Variants in NTM observed in about 807,000 individuals in gnomAD.
NTM encodes IgLON family member 2.
Under a neutral mutation model 42.1 loss-of-function variants are expected in NTM, and 13 were observed. The observed-to-expected ratio is 0.31, with a 90% CI of 0.20 to 0.49. The LOEUF (loss-of-function observed/expected upper bound fraction) is 0.49. Among genes scored for constraint, NTM ranks in the 20% least tolerant of loss-of-function variants. The pLI is 0.99. For missense variants in NTM, 373 were observed against 452.8 expected (o/e 0.82, Z 1.60); for synonymous variants, 187 against 179.2 (o/e 1.04, Z -0.35).
chr11:131,421,180 T>C (rs1947479168), intron 1 of NTM, among the ~76,000 whole-genome samples: 2 of 152,206 alleles, frequency 1.3e-5, no homozygotes, highest in African/African-American at 4.8e-5. Flanking sequence ...GATCAGTATG[T>C]CCTGTATCTG....
intron 5 of NTM, 42 bp from the exon 6 acceptor site, chr11:132,310,070 A>C: frequency 1.3e-6 from 2 of 1,532,224 alleles, no homozygotes; most frequent in Non-Finnish European, 1.7e-6. Context: ...AAAAAAAAAA[A>C]AAAAGGTGGG....
intron 1 of NTM, among the ~76,000 whole-genome samples, chr11:131,790,036 G>A (rs560283056): frequency 2.1e-5 from 3 of 143,142 alleles, no homozygotes; most frequent in Non-Finnish European, 4.5e-5. Context: ...AAAACAGAAA[G>A]TGTCACTGTT....
chr11:131,835,958 A>G lies in NTM; in HGVS notation c.83-75606A>G, dbSNP rs552596260. Among the ~76,000 whole-genome samples the G allele has an allele frequency of 2.0e-5, 3 of 152,304 alleles. No individual in the cohort carries two copies. In the South Asian group the frequency reaches 6.2e-4, roughly 32 times the overall value. ...GAGCAAAAGAAGTCAGACACTGAAG[A>G]ATTTATACCAAATGATTCTGTTTAT... On this transcript the variant is annotated intron_variant, in intron 1 of 8. Coordinates refer to ENST00000683400, the MANE Select transcript of NTM (RefSeq NM_001352005.2).
chr11:131,522,287 T>C (rs2049852170), intron 1 of NTM, among the ~76,000 whole-genome samples: 2 of 151,928 alleles, frequency 1.3e-5, no homozygotes, highest in South Asian at 2.1e-4. Context: ...AGTCAAGCCC[T>C]GTACGCTCTC....
intron 4 of NTM, among the ~76,000 whole-genome samples, chr11:132,278,378 G>C (rs373218588): frequency 6.6e-6 from 1 of 152,202 alleles, no homozygotes; most frequent in Non-Finnish European, 1.5e-5. Flanking sequence ...TTGGCAGCAG[G>C]GGGGCTGGAG....
intron 1 of NTM, among the ~76,000 whole-genome samples, chr11:131,375,497 C>T (rs1431768900): frequency 2.0e-5 from 3 of 152,218 alleles, no homozygotes; most frequent in East Asian, 1.9e-4. Flanking sequence ...AGAAGCATCA[C>T]CTCCCCATTG....
intron 2 of NTM, among the ~76,000 whole-genome samples, chr11:132,120,645 G>A (rs2064647178): frequency 6.6e-6 from 1 of 152,154 alleles, no homozygotes; most frequent in Admixed American, 6.5e-5. Flanking sequence ...TTCTTCATCT[G>A]GTAGTAGGCA....
chr11:131,691,465 G>A (rs973708577), intron 1 of NTM, among the ~76,000 whole-genome samples: 2 of 152,234 alleles, frequency 1.3e-5, no homozygotes, highest in Non-Finnish European at 2.9e-5. Flanking sequence ...GCGGGGCGTG[G>A]GCAGGCGTGG....
intron 1 of NTM, among the ~76,000 whole-genome samples, chr11:131,561,806 C>A (rs2056271810): frequency 6.6e-6 from 1 of 152,192 alleles, no homozygotes; most frequent in Non-Finnish European, 1.5e-5. Context: ...TTCTTCTTCA[C>A]CTCCTTTTGT....
At chr11:132,025,740 G>C (rs2075082473) in intron 2 of NTM, among the ~76,000 whole-genome samples, 1 of 152,154 alleles carries the variant, frequency 6.6e-6, no homozygotes, top group Admixed American at 6.5e-5. Flanking sequence ...GAGAAGCATT[G>C]CCCTAGAATG....
At chr11:131,847,214 G>C (rs1194364765) in intron 1 of NTM, among the ~76,000 whole-genome samples, 1 of 151,846 alleles carries the variant, frequency 6.6e-6, no homozygotes, top group East Asian at 1.9e-4. Flanking sequence ...CTAGTAAAGT[G>C]GTAAGTATTA....
chr11:131,936,849 A>T (rs1054198961), intron 2 of NTM, among the ~76,000 whole-genome samples: 4 of 152,190 alleles, frequency 2.6e-5, no homozygotes, highest in Non-Finnish European at 2.9e-5. Flanking sequence ...CACTGCTCCA[A>T]GTGCTTATGT....
chr11:131,836,566 C>T (rs1034522965), intron 1 of NTM, among the ~76,000 whole-genome samples: 2 of 152,140 alleles, frequency 1.3e-5, no homozygotes, highest in Non-Finnish European at 2.9e-5. Flanking sequence ...TTATTTGAGC[C>T]TAGGAATTCA....
intron 1 of NTM, among the ~76,000 whole-genome samples, chr11:131,553,649 C>A (rs903347010): frequency 2.0e-5 from 3 of 152,158 alleles, no homozygotes; most frequent in African/African-American, 4.8e-5. Flanking sequence ...ACTGTGTAAT[C>A]TTTAACCTAT....
At chr11:132,192,989 C>T (rs2079555081) in intron 3 of NTM, among the ~76,000 whole-genome samples, 2 of 151,428 alleles carry the variant, frequency 1.3e-5, no homozygotes, top group Non-Finnish European at 1.5e-5. Flanking sequence ...ATCAGAACAT[C>T]CAGATTCATA....
At chr11:131,655,498 A>AAC (rs1347671698) in intron 1 of NTM, among the ~76,000 whole-genome samples, 1 of 152,222 alleles carries the variant, frequency 6.6e-6, no homozygotes, top group African/African-American at 2.4e-5. Flanking sequence ...GGCTTCCAGA[A>AAC]ACACAGAGAA....
At chr11:131,516,591 C>T (rs182036353) in intron 1 of NTM, among the ~76,000 whole-genome samples, 17 of 152,256 alleles carry the variant, frequency 1.1e-4, no homozygotes, top group African/African-American at 3.4e-4. Flanking sequence ...AGGCCAGTTT[C>T]GAACTCCTGA....
At chr11:132,186,662 C>T (rs2078448033) in intron 3 of NTM, among the ~76,000 whole-genome samples, 1 of 152,000 alleles carries the variant, frequency 6.6e-6, no homozygotes, top group South Asian at 2.1e-4. Flanking sequence ...TTTTCTTTAA[C>T]GATATGTAAA....
At chr11:131,937,249 G>T (rs1483564666) in intron 2 of NTM, among the ~76,000 whole-genome samples, 1 of 152,090 alleles carries the variant, frequency 6.6e-6, no homozygotes, top group Non-Finnish European at 1.5e-5. Context: ...TTTAATAAAT[G>T]CAATGAAAAA....
Sources: allele counts gnomAD v4.1 joint callset (sites outside exome capture counted in the v4.1 genomes callset), GRCh38; gene constraint gnomAD v4.1.1; transcripts MANE v1.5; gene names NCBI Gene and HGNC (gene_info 2026-07-23, HGNC 2026-07-21).